The following RUNX1 variants were observed in gnomAD, a reference collection of about 807,000 sequenced individuals.
RUNX1 encodes the protein RUNX family transcription factor 1.
Under a neutral mutation model 42.8 loss-of-function variants are expected in RUNX1, and 19 were observed. The observed-to-expected ratio is 0.44, with a 90% confidence interval of 0.31 to 0.65. RUNX1 has a LOEUF of 0.65. RUNX1 is among the 30% of genes least tolerant of loss of function. RUNX1 has a pLI of 0.07. For missense variants in RUNX1, 528 were observed against 672.0 expected, an observed-to-expected ratio of 0.79 and a Z score of 2.37; for synonymous variants, 271 against 289.4, an observed-to-expected ratio of 0.94 and a Z score of 0.64.
intron 6 of RUNX1, among the ~76,000 whole-genome samples, chr21:34,844,920 AC>A (rs1015031467): frequency 3.1e-4 from 47 of 152,322 alleles, no homozygotes; most frequent in African/African-American, 1.1e-3. Flanking sequence ...GCTCCTGAGT[AC>A]TCACTAGTAC....
chr21:34,887,681 A>G, intron 3 of RUNX1: 1 of 1,072,478 alleles, frequency 9.3e-7, no homozygotes, highest in Non-Finnish European at 1.1e-6. Flanking sequence ...TAGTGCTACT[A>G]ATGTATGTGC....
At chr21:34,985,395 T>A (rs995808134) in intron 2 of RUNX1, among the ~76,000 whole-genome samples, 1 of 152,202 alleles carries the variant, frequency 6.6e-6, no homozygotes, top group South Asian at 2.1e-4. Context: ...GCCAGAGGTG[T>A]CTGGGGTCAC....
chr21:35,013,088 A>G (rs1569150844), intron 2 of RUNX1, among the ~76,000 whole-genome samples: 1 of 152,212 alleles, frequency 6.6e-6, no homozygotes, highest in South Asian at 2.1e-4. Flanking sequence ...AACAACGTGA[A>G]CGTCCATGTT....
chr21:35,002,496 TG>T, intron 2 of RUNX1, among the ~76,000 whole-genome samples: 1 of 152,004 alleles, frequency 6.6e-6, no homozygotes, highest in Non-Finnish European at 1.5e-5. Context: ...GGCGTGATCT[TG>T]GCTCACTGCA....
intron 2 of RUNX1, among the ~76,000 whole-genome samples, chr21:34,904,854 G>C (rs1569096739): frequency 6.6e-6 from 1 of 152,146 alleles, no homozygotes; most frequent in Non-Finnish European, 1.5e-5. Context: ...TTTTAGAGAA[G>C]AATATTCTAG....
At chr21:34,927,138 T>C (rs2058401601) in intron 2 of RUNX1, among the ~76,000 whole-genome samples, 1 of 152,162 alleles carries the variant, frequency 6.6e-6, no homozygotes, top group Non-Finnish European at 1.5e-5. Context: ...TCCCACTTTA[T>C]AAGAGCAGGG....
intron 2 of RUNX1, among the ~76,000 whole-genome samples, chr21:35,007,554 C>G (rs2059094437): frequency 6.6e-6 from 1 of 152,186 alleles, no homozygotes; most frequent in African/African-American, 2.4e-5. Context: ...CCTTCCCTGG[C>G]TCCACCCTTT....
intron 2 of RUNX1, among the ~76,000 whole-genome samples, chr21:35,007,517 T>C (rs759565011): frequency 1.3e-5 from 2 of 152,208 alleles, no homozygotes; most frequent in Non-Finnish European, 2.9e-5. Flanking sequence ...CCACATTCAA[T>C]ATATTCAGAC....
chr21:34,812,676 G>A (rs2056773189), intron 7 of RUNX1, among the ~76,000 whole-genome samples: 1 of 152,142 alleles, frequency 6.6e-6, no homozygotes, highest in Admixed American at 6.5e-5. Flanking sequence ...CTTAGAGAAA[G>A]TAAATGGCAT....
rs547268403 is a variant in RUNX1 at position 34,789,114 on chromosome 21, T to C, written c.*3021A>G. 185 of 233,320 alleles carry C rather than the reference T, an allele frequency of 7.9e-4. 1 individual carries two copies. Among genetic ancestry groups the C allele is most frequent in the Non-Finnish European group, 7.6e-4 (90 of 118,088 alleles). 14.5% of individuals were successfully genotyped at this position (233,320 alleles called of 1,614,324 possible). On this transcript the variant is annotated 3_prime_UTR_variant, in exon 9 of 9. Coordinates refer to ENST00000675419, the MANE Select transcript of RUNX1 (RefSeq NM_001754.5). ...TGGACAGCAAGCAGATCCAATATGGTTGGCAATGTCTCTGTTCTGCTGGAA... is the reference window on the plus strand; with the variant it reads ...TGGACAGCAAGCAGATCCAATATGGCTGGCAATGTCTCTGTTCTGCTGGAA...
intron 2 of RUNX1, among the ~76,000 whole-genome samples, chr21:35,009,578 C>T (rs984077615): frequency 2.6e-5 from 4 of 152,166 alleles, no homozygotes; most frequent in Admixed American, 1.3e-4. Context: ...CACTGAAAAA[C>T]GGAGATCAAG....
At chr21:35,014,347 T>C (rs1475699022) in intron 2 of RUNX1, among the ~76,000 whole-genome samples, 3 of 152,186 alleles carry the variant, frequency 2.0e-5, no homozygotes, top group Non-Finnish European at 4.4e-5. Flanking sequence ...ACATCCTGCC[T>C]AGGTGTATAG....
At chr21:34,893,404 C>CT (rs2058102380) in intron 2 of RUNX1, among the ~76,000 whole-genome samples, 1 of 152,170 alleles carries the variant, frequency 6.6e-6, no homozygotes, top group Non-Finnish European at 1.5e-5. Context: ...CCCCTGCTTA[C>CT]TCTCCTTCCC....
At chr21:35,006,099 C>A (rs540958229) in intron 2 of RUNX1, among the ~76,000 whole-genome samples, 7 of 152,284 alleles carry the variant, frequency 4.6e-5, no homozygotes. Flanking sequence ...GACAAAAAGT[C>A]TCATCTATTA....
chr21:34,991,235 A>G (rs936157341), intron 2 of RUNX1, among the ~76,000 whole-genome samples: 1 of 152,038 alleles, frequency 6.6e-6, no homozygotes, highest in African/African-American at 2.4e-5. Context: ...CTGCCCCTAG[A>G]TCCCTGGACA....
At chr21:34,849,649 T>C in intron 6 of RUNX1, among the ~76,000 whole-genome samples, 1 of 149,004 alleles carries the variant, frequency 6.7e-6, no homozygotes, top group Non-Finnish European at 1.5e-5. Flanking sequence ...CACATCCAAC[T>C]AAATGTCACT....
chr21:34,872,300 C>T (rs1306969384), intron 5 of RUNX1, among the ~76,000 whole-genome samples: 3 of 152,178 alleles, frequency 2.0e-5, no homozygotes, highest in Admixed American at 1.3e-4. Context: ...GTGGACCTCA[C>T]CTGTGTGACA....
At chr21:34,838,162 G>A (rs1415205416) in intron 6 of RUNX1, among the ~76,000 whole-genome samples, 2 of 152,122 alleles carry the variant, frequency 1.3e-5, no homozygotes, top group Non-Finnish European at 2.9e-5. Flanking sequence ...AAACTGAGCA[G>A]GTATGCATAT....
intron 2 of RUNX1, among the ~76,000 whole-genome samples, chr21:35,037,614 T>TCTGTTTGGACCG (rs1257201561): frequency 2.0e-5 from 3 of 152,166 alleles, no homozygotes; most frequent in Non-Finnish European, 4.4e-5. Context: ...AGGAACTGCC[T>TCTGTTTGGACCG]CTGTTTGGAC....
Sources: allele counts gnomAD v4.1 joint callset (sites outside exome capture counted in the v4.1 genomes callset), GRCh38; gene constraint gnomAD v4.1.1; transcripts MANE v1.5; gene names NCBI Gene and HGNC (gene_info 2026-07-23, HGNC 2026-07-21).